Variants in SRP19 observed in about 807,000 individuals in gnomAD.
SRP19 encodes the protein signal recognition particle 19, also known as signal recognition particle 19 kDa protein.
A neutral mutation model predicts 22.4 loss-of-function variants in SRP19; 11 were observed. The observed-to-expected ratio is 0.49, with a 90% CI of 0.31 to 0.81. The LOEUF is 0.81. SRP19 is among the 40% of genes least tolerant of loss of function. The pLI, the probability that SRP19 is intolerant of heterozygous loss-of-function variation, is 0.05. For synonymous variants in SRP19, 61 were observed against 57.6 expected (o/e 1.06, Z -0.27); for missense variants, 168 against 175.9 (o/e 0.96, Z 0.25).
chr5:112,874,000 C>CA (rs908390339), downstream of SRP19, among the ~76,000 whole-genome samples: 12 of 148,732 alleles, frequency 8.1e-5, no homozygotes, highest in South Asian at 4.3e-4. Context: ...TCCCTCTCTA[C>CA]AAAAAAAAAT....
exon 5 of SRP19, chr5:112,891,981 AC>A (rs1347577988): frequency 6.4e-6 from 8 of 1,242,980 alleles, no homozygotes; most frequent in Non-Finnish European, 9.5e-6. Context: ...AGTTAAAGGA[AC>A]AATGGAAAGA....
intron 4 of SRP19, among the ~76,000 whole-genome samples, chr5:112,884,685 C>T (rs1768180303): frequency 6.6e-6 from 1 of 151,770 alleles, no homozygotes; most frequent in South Asian, 2.1e-4. Context: ...GTTCCTGATT[C>T]CTTTACTACT....
At chr5:112,879,505 G>A (rs1426574276) in intron 4 of SRP19, among the ~76,000 whole-genome samples, 2 of 151,932 alleles carry the variant, frequency 1.3e-5, no homozygotes, top group African/African-American at 2.4e-5. Context: ...ACGGAGTCTC[G>A]CTCTGTCACC....
downstream of SRP19, chr5:112,896,331 C>T (rs1768679692): frequency 6.6e-6 from 1 of 152,340 alleles, no homozygotes; most frequent in Non-Finnish European, 1.5e-5. Context: ...TGAGACCAGC[C>T]TGGCCAACAT....
chr5:112,876,211 C>CAA (rs1412519404), intron 4 of SRP19, among the ~76,000 whole-genome samples: 1 of 151,972 alleles, frequency 6.6e-6, no homozygotes, highest in African/African-American at 2.4e-5. Flanking sequence ...TTCTTTAGGA[C>CAA]AAGTCTTTTC....
chr5:112,867,092 G>T (rs184584765), intron 4 of SRP19, among the ~76,000 whole-genome samples: 94 of 152,234 alleles, frequency 6.2e-4, no homozygotes, highest in Non-Finnish European at 1.2e-3. Context: ...TTCTACCTGA[G>T]GTATATTTGG....
chr5:112,876,656 G>A (rs1404838986), intron 4 of SRP19: 8 of 152,064 alleles, frequency 5.3e-5, no homozygotes, highest in Non-Finnish European at 1.0e-4. Flanking sequence ...TCAAATAAAC[G>A]CTTGTTTTCT....
chr5:112,880,592 G>A (rs1293645699), intron 4 of SRP19, among the ~76,000 whole-genome samples: 1 of 152,206 alleles, frequency 6.6e-6, no homozygotes, highest in Non-Finnish European at 1.5e-5. Flanking sequence ...GAAATTCCTA[G>A]TTAATCCAAA....
At chr5:112,892,455 G>T (rs766637353) in exon 5 of SRP19, 8 of 1,614,092 alleles carry the variant, frequency 5.0e-6, no homozygotes, top group Non-Finnish European at 6.8e-6. Context: ...CTCACCTGAG[G>T]GGCAATGTAT....
chr5:112,879,183 G>C (rs1168898068), intron 4 of SRP19, among the ~76,000 whole-genome samples: 3 of 152,084 alleles, frequency 2.0e-5, no homozygotes, highest in African/African-American at 4.8e-5. Flanking sequence ...ATTTGTATCT[G>C]TGTGCTTGCC....
chr5:112,864,847 TA>T, intron 4 of SRP19, 115 bp downstream of exon 4: 1 of 743,278 alleles, frequency 1.3e-6, no homozygotes, highest in Non-Finnish European at 2.2e-6. Flanking sequence ...AAGATTAATT[TA>T]AAGACAGGAC....
chr5:112,895,130 T>G (rs925776378), downstream of SRP19: 1 of 149,864 alleles, frequency 6.7e-6, no homozygotes, highest in Admixed American at 6.8e-5. Context: ...TCCCAGCCAC[T>G]CAGGAGGCTG....
downstream of SRP19, chr5:112,893,669 C>T (rs193174669): frequency 6.6e-6 from 1 of 152,454 alleles, no homozygotes; most frequent in Non-Finnish European, 1.5e-5. Flanking sequence ...CTAGTAGTCT[C>T]GCTACACATG....
chr5:112,889,829 A>T (rs1182044926), intron 4 of SRP19, among the ~76,000 whole-genome samples: 25 of 139,330 alleles, frequency 1.8e-4, no homozygotes, highest in African/African-American at 4.1e-4. Context: ...GAAAAAAAAA[A>T]TTTTTTTTTT....
rs1767675165 is a variant in SRP19, at chr5:112,868,339, C to A, written c.*802C>A. ...CTGTTCTTCCTGAGGCCTGGTTTAG[C>A]TCTTCCTTGAATTCTGCAAGCTATC... On this transcript the variant is annotated 3_prime_UTR_variant, in exon 5 of 5. Coordinates refer to ENST00000505459, the MANE Select transcript of SRP19 (RefSeq NM_003135.3). 5 of 987,308 alleles carry A rather than the reference C, an allele frequency of 5.1e-6. No individual in the cohort carries two copies. The South Asian group carries it at 2.3e-4, about 46-fold the overall frequency. The allele number at this position is 987,308 out of a possible 1,614,324, so 61.2% of individuals were successfully genotyped here.
At chr5:112,893,549 T>A (rs151308578), downstream of SRP19, 31 of 154,068 alleles carry the variant, frequency 2.0e-4, no homozygotes, top group African/African-American at 6.3e-4. Context: ...ATTCCTTACA[T>A]TTAAAGACTC....
intron 4 of SRP19, among the ~76,000 whole-genome samples, chr5:112,882,779 A>G (rs1093611): frequency 2.0e-5 from 3 of 152,002 alleles, no homozygotes; most frequent in African/African-American, 4.8e-5. Context: ...ACAGAAAAAG[A>G]TGAGCAGTCC....
At chr5:112,892,216 T>G (rs1288826109) in exon 5 of SRP19, 1 of 1,614,180 alleles carries the variant, frequency 6.2e-7, no homozygotes, top group East Asian at 2.2e-5. Flanking sequence ...AGACAGATGT[T>G]CACGTAAACA....
At chr5:112,886,107 G>T (rs189218247) in intron 4 of SRP19, among the ~76,000 whole-genome samples, 18 of 152,342 alleles carry the variant, frequency 1.2e-4, no homozygotes, top group Admixed American at 1.2e-3. Context: ...TGTCTAAGGA[G>T]TGATCCAATA....
Sources: gnomAD v4.1 joint callset for allele counts (sites outside exome capture counted in the v4.1 genomes callset) on GRCh38, gnomAD v4.1.1 for gene constraint, MANE v1.5 for transcripts, NCBI Gene and HGNC (gene_info 2026-07-23, HGNC 2026-07-21) for gene names.